FAM174B: variants seen among roughly 807,000 people sequenced by gnomAD.
FAM174B encodes the protein family with sequence similarity 174 member B.
A neutral mutation model predicts 10.9 loss-of-function variants in FAM174B; 12 were observed. The observed-to-expected ratio is 1.10, with a 90% CI of 0.71 to 1.79. FAM174B has a LOEUF of 1.79. FAM174B is among the 40% of genes most tolerant of loss of function. The pLI, the probability that FAM174B is intolerant of heterozygous loss-of-function variation, is 0.00. For synonymous variants in FAM174B, 132 were observed against 115.8 expected (o/e 1.14, Z -0.90); for missense variants, 266 against 233.3 (o/e 1.14, Z -0.91).
At chr15:92,651,774 T>G (rs1395981066) in intron 1 of FAM174B, among the ~76,000 whole-genome samples, 2 of 152,226 alleles carry the variant, frequency 1.3e-5, no homozygotes. Context: ...ATCATTCACA[T>G]TAGAAGCAAA....
intron 1 of FAM174B, among the ~76,000 whole-genome samples, chr15:92,652,106 C>T (rs187078362): frequency 1.2e-4 from 18 of 152,374 alleles, no homozygotes; most frequent in East Asian, 9.6e-4. Flanking sequence ...GAGAGCTCAA[C>T]ATTCTTTTGC....
intron 1 of FAM174B, among the ~76,000 whole-genome samples, chr15:92,636,874 C>T (rs886373679): frequency 6.6e-6 from 1 of 152,336 alleles, no homozygotes; most frequent in South Asian, 2.1e-4. Flanking sequence ...TCTTTGCCCT[C>T]CCTCATCACA....
chr15:92,642,085 C>G (rs115599109), intron 1 of FAM174B, among the ~76,000 whole-genome samples: 229 of 152,282 alleles, frequency 1.5e-3, no homozygotes, highest in African/African-American at 5.3e-3. Flanking sequence ...GACTAGCCAT[C>G]AATGCATTGC....
At chr15:92,626,903 T>C (rs2050756714) in intron 2 of FAM174B, among the ~76,000 whole-genome samples, 1 of 151,828 alleles carries the variant, frequency 6.6e-6, no homozygotes, top group Non-Finnish European at 1.5e-5. Context: ...ATACAAAAAA[T>C]GAGCTGGGCA....
Position 92,655,638 on chromosome 15 carries a change from C to T in FAM174B, c.22G>A (p.Ala8Thr). 1 of 1,254,962 alleles carries T rather than the reference C, an allele frequency of 8.0e-7. No homozygotes were observed. The highest frequency in any genetic ancestry group is 1.6e-5 in the African/African-American group (1 of 64,302). The allele number at this position is 1,254,962 out of a possible 1,614,324, so 77.7% of individuals were successfully genotyped here. A position where few individuals can be genotyped will look rare whatever the true frequency, so the allele number is the denominator to read the frequency against. MRAVPLP[A>T]PLLPLLLLAL... ...AGCAGCAGCAGCGGCAGGAGCGGGG[C>T]GGGCAGCGGCACGGCGCGCATAGTG... Residue 8 changes from alanine (A) to threonine (T), a missense_variant, in exon 1 of 3, where the codon GCC becomes ACC. Ala to Thr is a moderately conservative substitution (Grantham distance 58). Coordinates refer to ENST00000327355, the MANE Select transcript of FAM174B (RefSeq NM_207446.3).
At chr15:92,651,006 C>T (rs1567051049) in intron 1 of FAM174B, among the ~76,000 whole-genome samples, 1 of 152,048 alleles carries the variant, frequency 6.6e-6, no homozygotes, top group Admixed American at 6.5e-5. Flanking sequence ...AAAAGGTGGA[C>T]GTGATTCTAC....
chr15:92,619,026 G>GCCGTATCATTA lies in FAM174B; in HGVS notation c.*429_*430insTAATGATACGG. 4.6e-6 allele frequency: 2 copies of GCCGTATCATTA among 435,700 alleles called. No individual in the cohort carries two copies. Among genetic ancestry groups the GCCGTATCATTA allele is most frequent in the Non-Finnish European group, 4.0e-6 (1 of 248,054 alleles). 27.0% of individuals were successfully genotyped at this position (435,700 alleles called of 1,614,324 possible). ...GGGTCCAATGTGTAGATCCAGTAGAGAAGAATGTCGGAAATTCTAAATACA... is the reference window on the plus strand; with the variant it reads ...GGGTCCAATGTGTAGATCCAGTAGAGCCGTATCATTAAAGAATGTCGGAAATTCTAAATACA... On this transcript the variant is annotated 3_prime_UTR_variant, in exon 3 of 3. Coordinates refer to ENST00000327355, the MANE Select transcript of FAM174B (RefSeq NM_207446.3).
intron 2 of FAM174B, among the ~76,000 whole-genome samples, chr15:92,620,872 T>C (rs2050715196): frequency 6.7e-6 from 1 of 148,860 alleles, no homozygotes; most frequent in African/African-American, 2.5e-5. Flanking sequence ...TAAAGGGACT[T>C]AGAAAAGGAG....
intron 2 of FAM174B, among the ~76,000 whole-genome samples, chr15:92,626,387 G>A (rs1032719522): frequency 5.9e-5 from 9 of 152,006 alleles, no homozygotes; most frequent in Non-Finnish European, 1.2e-4. Context: ...GCGTGCCACC[G>A]CACCCAGCCA....
At chr15:92,626,139 A>ACGGAGTCTCCCTCTTTCAC (rs373252541) in intron 2 of FAM174B, among the ~76,000 whole-genome samples, 1 of 137,398 alleles carries the variant, frequency 7.3e-6, no homozygotes, top group East Asian at 2.1e-4. Flanking sequence ...TTTTTTTGAG[A>ACGGAGTCTCCCTCTTTCAC]CCAGGCCGGA....
chr15:92,654,948 G>A (rs1330652576), intron 1 of FAM174B, among the ~76,000 whole-genome samples: 1 of 152,140 alleles, frequency 6.6e-6, no homozygotes, highest in African/African-American at 2.4e-5. Flanking sequence ...GAGCCATTTT[G>A]CCTCTCTGAA....
intron 1 of FAM174B, among the ~76,000 whole-genome samples, chr15:92,637,797 T>C (rs1481002381): frequency 1.3e-5 from 2 of 152,170 alleles, no homozygotes; most frequent in Non-Finnish European, 2.9e-5. Flanking sequence ...GTGATGAAGC[T>C]GAAATCCCCT....
At chr15:92,620,240 G>A (rs148089079) in intron 2 of FAM174B, among the ~76,000 whole-genome samples, 1,744 of 152,284 alleles carry the variant, frequency 0.011, 18 homozygotes, top group Middle Eastern at 0.024. Flanking sequence ...GGCCAGGCAC[G>A]GTAATCCCAG....
chr15:92,622,531 GCT>G (rs1330666333), intron 2 of FAM174B, among the ~76,000 whole-genome samples: 1 of 152,158 alleles, frequency 6.6e-6, no homozygotes, highest in Admixed American at 6.5e-5. Context: ...TAAAGTCCTG[GCT>G]CTCTCAATGT....
rs191548668 is a variant in FAM174B at position 92,618,064 on chromosome 15, G to T, written c.*1392C>A. 4.4e-4 allele frequency: 101 copies of T among 230,090 alleles called. No individual in the cohort carries two copies. The highest frequency in any genetic ancestry group is 2.3e-3 in the African/African-American group (100 of 44,382). The allele number at this position is 230,090 out of a possible 1,614,324, so 14.3% of individuals were successfully genotyped here. The stretch of plus-strand genomic sequence containing the variant: ...AAGAACCGAAGATGGAGGTGAGTCA[G>T]GAAAGGCTGGAGTTTTCATCCAAAA... On this transcript the variant is annotated 3_prime_UTR_variant, in exon 3 of 3. Transcript: ENST00000327355.
intron 1 of FAM174B, among the ~76,000 whole-genome samples, chr15:92,647,580 A>C (rs1417739737): frequency 1.3e-5 from 2 of 152,212 alleles, no homozygotes; most frequent in Non-Finnish European, 2.9e-5. Context: ...TTTAGGCACA[A>C]ATGACCAGCA....
intron 1 of FAM174B, among the ~76,000 whole-genome samples, chr15:92,631,706 C>A (rs891571514): frequency 2.0e-5 from 3 of 150,690 alleles, no homozygotes; most frequent in African/African-American, 7.3e-5. Context: ...GCCTGTTAGC[C>A]AGGATGGTCT....
chr15:92,634,439 C>T (rs1449192189), intron 1 of FAM174B: 2 of 152,322 alleles, frequency 1.3e-5, no homozygotes, highest in South Asian at 2.1e-4. Context: ...ATCCCTGACA[C>T]CTATAAAATC....
intron 1 of FAM174B, among the ~76,000 whole-genome samples, chr15:92,630,839 A>G (rs1410195187): frequency 7.1e-4 from 41 of 57,996 alleles, no homozygotes; most frequent in Non-Finnish European, 1.5e-3. Context: ...TATATTATAT[A>G]TATTACATAT....
Sources: allele counts gnomAD v4.1 joint callset (sites outside exome capture counted in the v4.1 genomes callset), GRCh38; gene constraint gnomAD v4.1.1; transcripts MANE v1.5; gene names NCBI Gene and HGNC (gene_info 2026-07-23, HGNC 2026-07-21).